The following ABHD5 variants were observed in gnomAD, a reference collection of about 807,000 sequenced individuals.
ABHD5 encodes 1-acylglycerol-3-phosphate O-acyltransferase ABHD5.
ABHD5 carries 30 observed loss-of-function variants against 44.9 expected under a neutral mutation model. The ratio of observed to expected loss-of-function variants is 0.67; its 90% CI spans 0.50 to 0.91. The LOEUF (loss-of-function observed/expected upper bound fraction) is 0.91. Among genes scored for constraint, ABHD5 ranks in the 40% least tolerant of loss-of-function variants. ABHD5 has a pLI of 0.00. For synonymous variants in ABHD5, 167 were observed against 147.0 expected, an observed-to-expected ratio of 1.14 and a Z score of -0.99; for missense variants, 399 against 423.4, an observed-to-expected ratio of 0.94 and a Z score of 0.50.
At chr3:43,691,209 C>T (rs2084371867) in intron 1 of ABHD5, 170 bp downstream of exon 1, 3 of 563,340 alleles carry the variant, frequency 5.3e-6, no homozygotes, top group Admixed American at 4.4e-5. Flanking sequence ...GGCGTCCCGG[C>T]GCCGCTCTGC....
rs1237123722 is a variant in ABHD5 at position 43,721,178 on chromosome 3, G to A, written c.*2646G>A. The A allele has an allele frequency of 6.6e-6, 1 of 152,024 alleles. No homozygotes were observed. The highest frequency in any genetic ancestry group is 1.5e-5 in the Non-Finnish European group (1 of 68,020). 9.4% of individuals were successfully genotyped at this position (152,024 alleles called of 1,614,324 possible). A position where few individuals can be genotyped will look rare whatever the true frequency, so the allele number is the denominator to read the frequency against. On this transcript the variant is annotated 3_prime_UTR_variant, in exon 7 of 7. Transcript: ENST00000644371. ...GTCTAGGAATTTAGTACATGATAAA[G>A]CATCTCATTCAGAGAAAAAGGCTTT... is the stretch of plus-strand genomic sequence containing the variant.
chr3:43,726,443 T>C (rs1294495036), downstream of ABHD5, among the ~76,000 whole-genome samples: 1 of 152,098 alleles, frequency 6.6e-6, no homozygotes, highest in East Asian at 1.9e-4. Context: ...AAGCCAGGCA[T>C]TGAGGACAAC....
intron 3 of ABHD5, among the ~76,000 whole-genome samples, chr3:43,709,414 C>A (rs1268960379): frequency 6.6e-6 from 1 of 152,192 alleles, no homozygotes; most frequent in East Asian, 1.9e-4. Context: ...CAAGCCAGAA[C>A]TAAGGCAAAA....
At chr3:43,713,810 C>T (rs2084720179) in intron 4 of ABHD5, among the ~76,000 whole-genome samples, 1 of 151,962 alleles carries the variant, frequency 6.6e-6, no homozygotes, top group African/African-American at 2.4e-5. Context: ...CAAGGGAGGA[C>T]ACCTAGGAGA....
intron 5 of ABHD5, among the ~76,000 whole-genome samples, chr3:43,716,506 T>A (rs2084764920): frequency 6.6e-6 from 1 of 152,186 alleles, no homozygotes; most frequent in African/African-American, 2.4e-5. Context: ...TATGTACACC[T>A]ACTTTATTAA....
chr3:43,693,416 T>G (rs2084427345), intron 1 of ABHD5, among the ~76,000 whole-genome samples: 2 of 152,228 alleles, frequency 1.3e-5, no homozygotes, highest in South Asian at 4.1e-4. Context: ...TACATTAGAC[T>G]GTGAATGTAG....
At chr3:43,691,110 A>G in intron 1 of ABHD5, 71 bp downstream of exon 1, 1 of 1,425,254 alleles carries the variant, frequency 7.0e-7, no homozygotes. Context: ...GTTAGGGCCC[A>G]GCGGGCAGCA....
chr3:43,702,153 G>A, intron 2 of ABHD5, 62 bp from the exon 3 acceptor site: 1 of 1,483,654 alleles, frequency 6.7e-7, no homozygotes, highest in Non-Finnish European at 9.1e-7. Flanking sequence ...GTTGCTCTGA[G>A]AATACTTCCC....
At chr3:43,726,239 CA>C (rs2084877200), downstream of ABHD5, among the ~76,000 whole-genome samples, 3 of 152,106 alleles carry the variant, frequency 2.0e-5, no homozygotes, top group African/African-American at 7.2e-5. Context: ...ATGTTGAGGC[CA>C]AGATACCAGA....
chr3:43,721,703 G>T lies in ABHD5; in HGVS notation c.*3171G>T, dbSNP rs1458560122. On this transcript the variant is annotated 3_prime_UTR_variant, in exon 7 of 7. Transcript: ENST00000644371. ...AGCCTGGGTGACAGAGAAGAAAAAA[G>T]ATTTTTTTGGATAGCTGAAAATATT... is the stretch of plus-strand genomic sequence containing the variant. 1.3e-5 allele frequency: 2 copies of T among 152,010 alleles called. No individual in the cohort carries two copies. The highest frequency in any genetic ancestry group is 1.5e-5 in the Non-Finnish European group (1 of 68,006). The allele number at this position is 152,010 out of a possible 1,614,324, so 9.4% of individuals were successfully genotyped here.
chr3:43,729,472 A>G (rs1037842583), intron 7 of ABHD5, among the ~76,000 whole-genome samples: 3 of 152,236 alleles, frequency 2.0e-5, no homozygotes, highest in Non-Finnish European at 2.9e-5. Flanking sequence ...TCATTTTACC[A>G]AAGAGAAAAA....
intron 4 of ABHD5, among the ~76,000 whole-genome samples, chr3:43,712,585 T>C (rs190746736): frequency 1.3e-5 from 2 of 152,336 alleles, no homozygotes; most frequent in East Asian, 1.9e-4. Flanking sequence ...TGGAGTACTT[T>C]TAGTTGTAAG....
chr3:43,724,376 T>TG (rs1214406789), downstream of ABHD5, among the ~76,000 whole-genome samples: 1 of 152,022 alleles, frequency 6.6e-6, no homozygotes, highest in Non-Finnish European at 1.5e-5. Flanking sequence ...CTGTAATAGG[T>TG]GCAACCCCTT....
chr3:43,712,266 C>T (rs2084698923), intron 4 of ABHD5, among the ~76,000 whole-genome samples: 1 of 152,106 alleles, frequency 6.6e-6, no homozygotes, highest in Non-Finnish European at 1.5e-5. Flanking sequence ...ATTGATGATA[C>T]CATTTGGTAC....
chr3:43,718,450 T>G lies in ABHD5; in HGVS notation c.968T>G (p.Leu323Arg). ...PHSYVKTIAI[L>R]GAGHYVYADQ... ...ATGCTTTTCCTTATCCAGGCTATTC[T>G]TGGGGCAGGACATTATGTATATGCA... Residue 323 changes from leucine (L) to arginine (R), a missense_variant, in exon 7 of 7, where the codon CTT becomes CGT. Leu to Arg is a moderately radical substitution (Grantham distance 102). Transcript: ENST00000644371. 1 of 1,614,110 alleles carries G rather than the reference T, an allele frequency of 6.2e-7. No homozygotes were observed. Among genetic ancestry groups the G allele is most frequent in the Non-Finnish European group, 8.5e-7 (1 of 1,179,976 alleles).
At chr3:43,709,388 G>A (rs1409339350) in intron 3 of ABHD5, among the ~76,000 whole-genome samples, 10 of 152,176 alleles carry the variant, frequency 6.6e-5, no homozygotes, top group Admixed American at 1.3e-4. Context: ...AAATTTTGAA[G>A]ATCATATTTA....
At chr3:43,704,641 A>G (rs766727352) in intron 3 of ABHD5, among the ~76,000 whole-genome samples, 3 of 152,202 alleles carry the variant, frequency 2.0e-5, no homozygotes, top group South Asian at 2.1e-4. Flanking sequence ...TTCATTTGCA[A>G]TTGTGAACTG....
chr3:43,716,923 A>G (rs2084769841), intron 5 of ABHD5, among the ~76,000 whole-genome samples: 1 of 152,244 alleles, frequency 6.6e-6, no homozygotes, highest in South Asian at 2.1e-4. Context: ...CTGTAATCCC[A>G]GCACTTTGGG....
intron 1 of ABHD5, among the ~76,000 whole-genome samples, chr3:43,693,029 A>G (rs2084419619): frequency 6.6e-6 from 1 of 152,218 alleles, no homozygotes; most frequent in Non-Finnish European, 1.5e-5. Flanking sequence ...TTTTGCTTTC[A>G]ACATCCAACC....
Sources: allele counts gnomAD v4.1 joint callset (sites outside exome capture counted in the v4.1 genomes callset), GRCh38; gene constraint gnomAD v4.1.1; transcripts MANE v1.5; gene names NCBI Gene and HGNC (gene_info 2026-07-23, HGNC 2026-07-21).